DCC: variants seen among roughly 807,000 people sequenced by gnomAD.
DCC encodes netrin receptor DCC.
DCC carries 58 observed loss-of-function variants against 172.5 expected under a neutral mutation model. The observed-to-expected ratio is 0.34, with a 90% CI of 0.27 to 0.42. The LOEUF (loss-of-function observed/expected upper bound fraction) is 0.42, where lower values mean the gene tolerates loss of function less well. DCC is among the 10% of genes least tolerant of loss of function. The pLI is 1.00. For synonymous variants in DCC, 709 were observed against 644.5 expected, an observed-to-expected ratio of 1.10 and a Z score of -1.52; for missense variants, 1,740 against 1,791.0, an observed-to-expected ratio of 0.97 and a Z score of 0.51.
intron 26 of DCC, among the ~76,000 whole-genome samples, chr18:53,493,972 A>T (rs115117989): frequency 1.2e-4 from 18 of 152,308 alleles, no homozygotes; most frequent in African/African-American, 4.1e-4. Context: ...TTAGTACTAT[A>T]ACTTTCCCTG....
chr18:52,719,120 T>C (rs74515206), intron 1 of DCC, among the ~76,000 whole-genome samples: 3,389 of 152,222 alleles, frequency 0.022, 121 homozygotes, highest in East Asian at 0.18. Flanking sequence ...CTTCCCTGCA[T>C]GTCTGTGTGT....
chr18:53,037,697 A>G (rs1257940275), intron 5 of DCC, among the ~76,000 whole-genome samples: 1 of 152,032 alleles, frequency 6.6e-6, no homozygotes, highest in African/African-American at 2.4e-5. Flanking sequence ...AAATGATGCT[A>G]TCTGAAAGCC....
chr18:52,954,327 T>C (rs939271693), intron 5 of DCC, among the ~76,000 whole-genome samples: 3 of 152,186 alleles, frequency 2.0e-5, no homozygotes, highest in African/African-American at 4.8e-5. Context: ...TTTTTGGAGA[T>C]GAAATAATCA....
At chr18:53,413,561 A>G (rs1283841602) in intron 20 of DCC, among the ~76,000 whole-genome samples, 1 of 152,210 alleles carries the variant, frequency 6.6e-6, no homozygotes, top group Non-Finnish European at 1.5e-5. Context: ...CAGCTTTGCT[A>G]GTAGAAAAAT....
chr18:52,788,954 C>T (rs886094499), intron 2 of DCC, among the ~76,000 whole-genome samples: 1 of 152,122 alleles, frequency 6.6e-6, no homozygotes, highest in African/African-American at 2.4e-5. Context: ...TCAGCCCAAC[C>T]CCCACATGAT....
At chr18:53,156,979 A>G (rs1274278189) in intron 7 of DCC, among the ~76,000 whole-genome samples, 1 of 152,176 alleles carries the variant, frequency 6.6e-6, no homozygotes, top group East Asian at 1.9e-4. Context: ...TACAATATTG[A>G]ATCATATTAT....
At chr18:52,463,820 T>C (rs192894381) in intron 1 of DCC, among the ~76,000 whole-genome samples, 2 of 152,344 alleles carry the variant, frequency 1.3e-5, no homozygotes, top group Admixed American at 1.3e-4. Context: ...ATTCATTATA[T>C]AATCATAAGT....
rs375807777 is a variant in DCC, at chr18:52,546,216, TC to T, written c.91+205339del. On this transcript the variant is annotated intron_variant, in intron 1 of 28. Transcript: ENST00000442544. The stretch of plus-strand genomic sequence containing the variant: ...AAAACTAAATTAATACAAAATAAGA[TC>T]ACGTTAGCAAAGTACACTGGAGATC... Among the ~76,000 whole-genome samples the T allele has an allele frequency of 1.8e-4, 27 of 152,128 alleles. No individual in the cohort carries two copies. The East Asian group carries it at 4.1e-3, about 23-fold the overall frequency.
chr18:53,064,722 T>C (rs1182426609), intron 6 of DCC, among the ~76,000 whole-genome samples: 1 of 152,142 alleles, frequency 6.6e-6, no homozygotes, highest in African/African-American at 2.4e-5. Context: ...AGAAATAGAG[T>C]AAGAAAGATA....
intron 27 of DCC, among the ~76,000 whole-genome samples, chr18:53,505,962 A>AACTT (rs1480154784): frequency 6.6e-6 from 1 of 152,234 alleles, no homozygotes; most frequent in African/African-American, 2.4e-5. Flanking sequence ...TTTAAAAATC[A>AACTT]ACTTACATAA....
At chr18:52,358,098 A>C (rs1598859116) in intron 1 of DCC, among the ~76,000 whole-genome samples, 1 of 152,202 alleles carries the variant, frequency 6.6e-6, no homozygotes, top group East Asian at 1.9e-4. Context: ...CCATAACCCC[A>C]GTCTTACAAT....
At chr18:52,558,678 T>A (rs912492061) in intron 1 of DCC, among the ~76,000 whole-genome samples, 1 of 152,118 alleles carries the variant, frequency 6.6e-6, no homozygotes, top group Non-Finnish European at 1.5e-5. Context: ...ATCAGGTCAG[T>A]GGAAGGAGAA....
chr18:53,102,001 A>C (rs1203913894), intron 7 of DCC, among the ~76,000 whole-genome samples: 1 of 152,128 alleles, frequency 6.6e-6, no homozygotes, highest in African/African-American at 2.4e-5. Context: ...TCGGGAAAAT[A>C]AGCAGGCCCT....
chr18:52,465,399 T>G (rs1426685624), intron 1 of DCC, among the ~76,000 whole-genome samples: 1 of 152,126 alleles, frequency 6.6e-6, no homozygotes, highest in East Asian at 1.9e-4. Context: ...AAATTTCCCC[T>G]TCAGGCATCA....
intron 23 of DCC, among the ~76,000 whole-genome samples, chr18:53,451,597 C>A (rs746161656): frequency 1.3e-5 from 2 of 152,140 alleles, no homozygotes; most frequent in Non-Finnish European, 2.9e-5. Context: ...CCTCTGAAAG[C>A]CTGAGGTATG....
chr18:53,317,680 G>A (rs561425155), intron 13 of DCC, among the ~76,000 whole-genome samples: 7 of 152,240 alleles, frequency 4.6e-5, no homozygotes, highest in Non-Finnish European at 7.4e-5. Context: ...TCAGGGATTC[G>A]ACTTCTTCCT....
intron 1 of DCC, among the ~76,000 whole-genome samples, chr18:52,464,468 C>G (rs2144546294): frequency 6.6e-6 from 1 of 152,250 alleles, no homozygotes; most frequent in East Asian, 1.9e-4. Context: ...GAAAATTAGG[C>G]AAGCATATTC....
At chr18:52,882,516 A>G (rs1157897567) in intron 2 of DCC, among the ~76,000 whole-genome samples, 1 of 148,886 alleles carries the variant, frequency 6.7e-6, no homozygotes, top group African/African-American at 2.5e-5. Context: ...AAATTTTTCA[A>G]TTTTCTTCTT....
chr18:52,563,034 AC>A (rs1432469740), intron 1 of DCC, among the ~76,000 whole-genome samples: 2 of 152,160 alleles, frequency 1.3e-5, no homozygotes, highest in African/African-American at 4.8e-5. Context: ...AAACTCTGAT[AC>A]TTTTTGACCA....
Sources: allele counts gnomAD v4.1 joint callset (sites outside exome capture counted in the v4.1 genomes callset), GRCh38; gene constraint gnomAD v4.1.1; transcripts MANE v1.5; gene names NCBI Gene and HGNC (gene_info 2026-07-23, HGNC 2026-07-21).